The following PTPRN2 variants were observed in gnomAD, a reference collection of about 807,000 sequenced individuals.
PTPRN2 encodes protein tyrosine phosphatase receptor type N2, also known as receptor-type tyrosine-protein phosphatase N2.
In PTPRN2, 74 loss-of-function variants were observed where a neutral mutation model predicts 118.8. That is an observed-to-expected ratio of 0.62 (90% confidence interval 0.52 to 0.76). The LOEUF is 0.76. Ranked by LOEUF, PTPRN2 falls within the 30% of genes least tolerant of loss-of-function variation. The probability of loss-of-function intolerance (pLI) is 0.00; values close to 1 mark genes in which losing one functional copy is unlikely to be tolerated. For missense variants in PTPRN2, 1,481 were observed against 1,394.4 expected (o/e 1.06, Z -0.99); for synonymous variants, 641 against 608.0 (o/e 1.05, Z -0.80).
intron 12 of PTPRN2, among the ~76,000 whole-genome samples, chr7:157,802,999 C>G (rs1805411822): frequency 6.6e-6 from 1 of 152,188 alleles, no homozygotes; most frequent in Non-Finnish European, 1.5e-5. Flanking sequence ...GAGTCTTGCT[C>G]TGTCATCCAG....
chr7:157,709,972 C>A (rs908473542), intron 12 of PTPRN2, among the ~76,000 whole-genome samples: 1 of 152,182 alleles, frequency 6.6e-6, no homozygotes. Flanking sequence ...CAGCTGGGGG[C>A]AAACCGTGGA....
intron 3 of PTPRN2, among the ~76,000 whole-genome samples, chr7:158,232,298 A>G (rs950629120): frequency 3.9e-5 from 6 of 152,136 alleles, no homozygotes; most frequent in Non-Finnish European, 5.9e-5. Context: ...CAGGAATAAA[A>G]AGGATCATTA....
At chr7:158,121,122 T>G (rs1010468841) in intron 9 of PTPRN2, among the ~76,000 whole-genome samples, 4 of 152,096 alleles carry the variant, frequency 2.6e-5, no homozygotes, top group African/African-American at 9.7e-5. Flanking sequence ...TGCCTGGGCC[T>G]GGTGGTGACT....
rs574930455 is a variant in PTPRN2 at position 157,596,239 on chromosome 7, T to C, written c.2419-924A>G. On this transcript the variant is annotated intron_variant, in intron 16 of 22. Transcript: ENST00000389418. This position sits in a 1 kb window ranked among gnomAD's most constrained non-coding sequence, Gnocchi z 4.2. ...CGTTGTGTGTGGGGGCTTGTTTTTG[T>C]GTATCCTGGAAAGGGGGCACAGGCA... Among the ~76,000 whole-genome samples the C allele has an allele frequency of 2.3e-3, 354 of 152,254 alleles. 3 individuals are homozygous for C. Among genetic ancestry groups the C allele is most frequent in the Non-Finnish European group, 1.5e-3 (104 of 68,008 alleles).
At chr7:158,122,891 A>G (rs553444440) in intron 9 of PTPRN2, among the ~76,000 whole-genome samples, 4 of 152,020 alleles carry the variant, frequency 2.6e-5, no homozygotes, top group Admixed American at 1.3e-4. Context: ...AAACTTCTCC[A>G]CGTCTCATTT....
chr7:158,145,907 G>A (rs144793793), intron 6 of PTPRN2, among the ~76,000 whole-genome samples: 3 of 152,284 alleles, frequency 2.0e-5, no homozygotes, highest in African/African-American at 7.2e-5. Context: ...CTGTGGTTTG[G>A]GGCAAGCTCG....
At chr7:158,305,504 G>A (rs1016413322) in intron 3 of PTPRN2, among the ~76,000 whole-genome samples, 1 of 152,144 alleles carries the variant, frequency 6.6e-6, no homozygotes, top group African/African-American at 2.4e-5. Flanking sequence ...AAAACAGACG[G>A]AGCAACTAGA....
chr7:158,193,409 G>A (rs1825936403), intron 4 of PTPRN2, among the ~76,000 whole-genome samples: 1 of 152,220 alleles, frequency 6.6e-6, no homozygotes, highest in Non-Finnish European at 1.5e-5. Flanking sequence ...CACACGGAAA[G>A]GAAGAGCAGA....
At position 157,571,406 on chromosome 7, in the gene PTPRN2, C is replaced by A. The variant is rs754021920; in HGVS notation, c.2837+34G>T. 3 of 1,554,380 alleles carry A rather than the reference C, an allele frequency of 1.9e-6. No individual in the cohort carries two copies. In the African/African-American group the frequency reaches 4.1e-5, roughly 21 times the overall value. ...TGCATAGATTAGTTTTTGAGGTAGC[C>A]AAAACTTCTTAATCCATTAAAAGTT... On this transcript the variant is annotated intron_variant, in intron 20 of 22. Transcript: ENST00000389418.
chr7:158,327,977 A>G (rs1803791045), intron 2 of PTPRN2, among the ~76,000 whole-genome samples: 1 of 152,152 alleles, frequency 6.6e-6, no homozygotes, highest in East Asian at 1.9e-4. Flanking sequence ...CTATTTTTGG[A>G]GGAGGGAAAA....
At chr7:158,498,390 TCA>T in intron 1 of PTPRN2, among the ~76,000 whole-genome samples, 1 of 152,208 alleles carries the variant, frequency 6.6e-6, no homozygotes. Context: ...TGTACCAAAT[TCA>T]GGATACCTAC....
chr7:157,941,544 C>A (rs1348869145), intron 11 of PTPRN2, among the ~76,000 whole-genome samples: 3 of 152,164 alleles, frequency 2.0e-5, no homozygotes, highest in Non-Finnish European at 4.4e-5. Flanking sequence ...TTCAGTAGAC[C>A]CAGGTCTCTG....
rs538123783 is a variant in PTPRN2 at position 157,539,465 on chromosome 7, C to T, written c.*1249G>A. On this transcript the variant is annotated 3_prime_UTR_variant, in exon 23 of 23. Coordinates refer to ENST00000389418, the MANE Select transcript of PTPRN2 (RefSeq NM_002847.5). The stretch of plus-strand genomic sequence containing the variant: ...CACACAGCTGCCTCTGTGCCGCCTT[C>T]CATGTGATCATCTTGGTCAATGAAG... The T allele has an allele frequency of 6.6e-6, 1 of 152,292 alleles. No homozygotes were observed. Among genetic ancestry groups the T allele is most frequent in the African/African-American group, 2.4e-5 (1 of 41,526 alleles). 9.4% of individuals were successfully genotyped at this position (152,292 alleles called of 1,614,324 possible).
intron 2 of PTPRN2, among the ~76,000 whole-genome samples, chr7:158,358,391 G>A (rs1396304235): frequency 1.3e-5 from 2 of 152,164 alleles, no homozygotes; most frequent in Admixed American, 1.3e-4. Context: ...TGCCCTTCCT[G>A]GCCTCCAGAG....
intron 14 of PTPRN2, among the ~76,000 whole-genome samples, chr7:157,636,662 G>A (rs1241228244): frequency 2.0e-5 from 3 of 152,136 alleles, no homozygotes; most frequent in African/African-American, 7.2e-5. Context: ...TACTATTCAG[G>A]TGTCTTCTTT....
chr7:158,059,434 G>A (rs1284876600), intron 11 of PTPRN2, among the ~76,000 whole-genome samples: 8 of 116,124 alleles, frequency 6.9e-5, no homozygotes, highest in African/African-American at 3.1e-4. Flanking sequence ...TCTGCCCACG[G>A]TGAGACATCA....
chr7:158,128,685 G>T (rs76632650), intron 9 of PTPRN2, among the ~76,000 whole-genome samples: 7 of 152,090 alleles, frequency 4.6e-5, no homozygotes, highest in African/African-American at 9.7e-5. Flanking sequence ...GGCTCTGAAG[G>T]TTCCCTAGCA....
intron 3 of PTPRN2, among the ~76,000 whole-genome samples, chr7:158,282,562 G>A (rs1799497561): frequency 6.6e-6 from 1 of 152,248 alleles, no homozygotes; most frequent in African/African-American, 2.4e-5. Flanking sequence ...TGCAGGGCAT[G>A]TTGAGTTCTG....
rs932499520 is a variant in PTPRN2 at position 157,787,923 on chromosome 7, C to T, written c.1789-104986G>A. Among the ~76,000 whole-genome samples, 7 of 152,104 alleles carry T rather than the reference C, an allele frequency of 4.6e-5. No homozygotes were observed. Among genetic ancestry groups the T allele is most frequent in the Admixed American group, 2.6e-4 (4 of 15,290 alleles). On this transcript the variant is annotated intron_variant, in intron 12 of 22. Coordinates refer to ENST00000389418, the MANE Select transcript of PTPRN2 (RefSeq NM_002847.5). This position sits in a 1 kb window ranked among gnomAD's most constrained non-coding sequence, Gnocchi z 5.3. ...AACATCGACGTCCCCAAGACACTGA[C>T]AGGCCTGGAGGTCTGGACAATGGGG...
Sources: allele counts gnomAD v4.1 joint callset (sites outside exome capture counted in the v4.1 genomes callset), GRCh38; gene constraint gnomAD v4.1.1; non-coding constraint Gnocchi (gnomAD v3.1); transcripts MANE v1.5; gene names NCBI Gene and HGNC (gene_info 2026-07-23, HGNC 2026-07-21).